Variants in FRMPD4 observed in about 807,000 individuals in gnomAD.
The protein encoded by FRMPD4 is FERM and PDZ domain-containing protein 4.
In FRMPD4, 22 loss-of-function variants were observed where a neutral mutation model predicts 94.1. The ratio of observed to expected loss-of-function variants is 0.23; its 90% CI spans 0.17 to 0.33. The LOEUF (loss-of-function observed/expected upper bound fraction) is 0.33. Ranked by LOEUF, FRMPD4 falls within the 10% of genes least tolerant of loss-of-function variation. FRMPD4 has a pLI of 1.00. For synonymous variants in FRMPD4, 631 were observed against 548.6 expected (o/e 1.15, Z -2.10); for missense variants, 1,111 against 1,339.9 (o/e 0.83, Z 2.67).
chrX:12,636,350 T>C (rs1033423097), intron 4 of FRMPD4, among the ~76,000 whole-genome samples: 1 of 111,847 alleles, frequency 8.9e-6, no homozygotes, highest in Admixed American at 9.5e-5. Flanking sequence ...ATTTTGCTGA[T>C]TGCATCTCTG....
intron 2 of FRMPD4, among the ~76,000 whole-genome samples, chrX:12,536,044 A>G (rs2058335317): frequency 1.1e-5 from 1 of 95,192 alleles, no homozygotes; most frequent in Non-Finnish European, 2.1e-5. Flanking sequence ...ACTAGAGAGG[A>G]GCCTAACAGA....
At chrX:12,642,265 G>A (rs1030311163) in intron 4 of FRMPD4, among the ~76,000 whole-genome samples, 1 of 111,572 alleles carries the variant, frequency 9.0e-6, no homozygotes, top group Non-Finnish European at 1.9e-5. Context: ...GAAAGGAAAA[G>A]AACAGGACAC....
chrX:11,981,738 G>A (rs914649025), intron 3 of FRMPD4, among the ~76,000 whole-genome samples: 4 of 111,012 alleles, frequency 3.6e-5, no homozygotes, highest in African/African-American at 1.3e-4. Context: ...TGTTTGGAAT[G>A]ATATATTTTG....
intron 4 of FRMPD4, among the ~76,000 whole-genome samples, chrX:12,616,780 C>T (rs181385101): frequency 5.4e-4 from 61 of 112,469 alleles, no homozygotes; most frequent in African/African-American, 1.6e-3. Context: ...AGCCTTCTAT[C>T]GGCTTGCATC....
At chrX:12,663,639 G>A (rs766985432) in intron 4 of FRMPD4, among the ~76,000 whole-genome samples, 2 of 112,132 alleles carry the variant, frequency 1.8e-5, no homozygotes, top group African/African-American at 3.2e-5. Flanking sequence ...GTAGCATGAC[G>A]CCTCCAGCTT....
chrX:12,411,579 G>A (rs1163936530), intron 1 of FRMPD4, among the ~76,000 whole-genome samples: 2 of 112,290 alleles, frequency 1.8e-5, no homozygotes, highest in Admixed American at 1.9e-4. Flanking sequence ...CTGTTGCTTT[G>A]TGCAGAGCAA....
rs2407853 is a variant in FRMPD4 at position 12,477,235 on chromosome X, C to T, written c.42-21445C>T. Among the ~76,000 whole-genome samples, 89 of 110,898 alleles carry T rather than the reference C, an allele frequency of 8.0e-4. 1 individual carries two copies. The highest frequency in any genetic ancestry group is 7.5e-3 in the Admixed American group (78 of 10,436). On this transcript the variant is annotated intron_variant, in intron 1 of 16. Transcript: ENST00000675598. ...AAACCAAACACCACATGTTCTCACT[C>T]GTAGGTGGGGATTGTATAATGAGAA...
chrX:12,015,760 T>A (rs1395788248), intron 3 of FRMPD4, among the ~76,000 whole-genome samples: 1 of 112,064 alleles, frequency 8.9e-6, no homozygotes, highest in Middle Eastern at 4.2e-3. Flanking sequence ...TTGCCTATCA[T>A]CCTGTTTCTG....
chrX:12,671,172 G>A (rs2059838310), intron 4 of FRMPD4, among the ~76,000 whole-genome samples: 1 of 112,132 alleles, frequency 8.9e-6, no homozygotes, highest in South Asian at 3.7e-4. Flanking sequence ...GTGGAAGACA[G>A]TGTGGTGATT....
chrX:12,720,415 G>A lies in FRMPD4; in HGVS notation c.3965-119G>A, dbSNP rs144675084. The A allele has an allele frequency of 4.0e-5, 28 of 704,150 alleles. No homozygotes were observed. In the East Asian group the frequency reaches 4.6e-4, roughly 12 times the overall value. The allele number at this position is 704,150 out of a possible 1,213,427, so 58.0% of individuals were successfully genotyped here. A position where few individuals can be genotyped will look rare whatever the true frequency, so the allele number is the denominator to read the frequency against. On this transcript the variant is annotated intron_variant, in intron 16 of 16. Transcript: ENST00000675598. ...TGGAAAGCAGGGTGACCTTAGCATCGGCAGCCCTTCCAGACTACAACCTTG... is the reference window on the plus strand; with the variant it reads ...TGGAAAGCAGGGTGACCTTAGCATCAGCAGCCCTTCCAGACTACAACCTTG...
At chrX:12,164,961 A>G (rs1185818824) in intron 1 of FRMPD4, among the ~76,000 whole-genome samples, 1 of 111,914 alleles carries the variant, frequency 8.9e-6, no homozygotes, top group Non-Finnish European at 1.9e-5. Flanking sequence ...CCTTTGTCAG[A>G]TGAGTAGGTT....
At chrX:11,860,173 T>C (rs763057314) in intron 1 of FRMPD4, among the ~76,000 whole-genome samples, 1 of 112,750 alleles carries the variant, frequency 8.9e-6, no homozygotes, top group South Asian at 3.6e-4. Flanking sequence ...TAGAAAAGAA[T>C]CACTTATCAA....
chrX:12,677,277 A>C (rs987061528), intron 5 of FRMPD4, among the ~76,000 whole-genome samples: 16 of 111,110 alleles, frequency 1.4e-4, no homozygotes, highest in Admixed American at 9.6e-4. Flanking sequence ...TGTCCCACCT[A>C]AAGTCTTCCC....
intron 3 of FRMPD4, among the ~76,000 whole-genome samples, chrX:11,965,950 G>A (rs1027968122): frequency 6.3e-5 from 7 of 111,363 alleles, no homozygotes; most frequent in Non-Finnish European, 1.3e-4. Context: ...ATAGAATAAC[G>A]CTTCCTGAAC....
chrX:11,859,807 A>T (rs780301107), intron 1 of FRMPD4, among the ~76,000 whole-genome samples: 3 of 111,868 alleles, frequency 2.7e-5, no homozygotes, highest in African/African-American at 6.5e-5. Flanking sequence ...CAACACTAAG[A>T]TTGTACTTAT....
At chrX:11,987,434 G>A (rs753028047) in intron 3 of FRMPD4, among the ~76,000 whole-genome samples, 1 of 111,473 alleles carries the variant, frequency 9.0e-6, no homozygotes, top group African/African-American at 3.3e-5. Context: ...CATGATAAAA[G>A]CCATGTATGG....
chrX:12,684,707 T>A (rs1434319834), intron 6 of FRMPD4, among the ~76,000 whole-genome samples: 2 of 112,511 alleles, frequency 1.8e-5, no homozygotes, highest in African/African-American at 6.5e-5. Flanking sequence ...CAGAAAGTCA[T>A]CTGAAACTTA....
chrX:12,702,068 G>C, intron 10 of FRMPD4, 58 bp downstream of exon 10: 4 of 1,125,128 alleles, frequency 3.6e-6, no homozygotes, highest in East Asian at 3.0e-5. Context: ...CCTTAGCCCG[G>C]GTGTATTTTT....
At chrX:12,230,190 C>A (rs1159901607) in intron 1 of FRMPD4, among the ~76,000 whole-genome samples, 1 of 111,771 alleles carries the variant, frequency 8.9e-6, no homozygotes, top group Non-Finnish European at 1.9e-5. Flanking sequence ...ATCTGACCAG[C>A]TGTTTTCCTC....
Sources: allele counts gnomAD v4.1 joint callset (sites outside exome capture counted in the v4.1 genomes callset), GRCh38; gene constraint gnomAD v4.1.1; transcripts MANE v1.5; gene names NCBI Gene and HGNC (gene_info 2026-07-23, HGNC 2026-07-21).